OTOGL: variants seen among roughly 807,000 people sequenced by gnomAD.
OTOGL encodes otogelin like.
Under a neutral mutation model 318.5 loss-of-function variants are expected in OTOGL, and 285 were observed. The observed-to-expected ratio is 0.89, with a 90% confidence interval of 0.81 to 0.99. The LOEUF (loss-of-function observed/expected upper bound fraction) is 0.99. Ranked by LOEUF, OTOGL falls within the 50% of genes least tolerant of loss-of-function variation. The pLI is 0.00. For missense variants in OTOGL, 2,899 were observed against 2,845.6 expected (o/e 1.02, Z -0.43); for synonymous variants, 987 against 936.5 (o/e 1.05, Z -0.99).
intron 1 of OTOGL, among the ~76,000 whole-genome samples, chr12:80,171,065 T>A (rs116578275): frequency 0.015 from 2,278 of 152,166 alleles, 55 homozygotes; most frequent in African/African-American, 0.052. Context: ...AAACTGTGAG[T>A]CATAGGTTAG....
intron 26 of OTOGL, among the ~76,000 whole-genome samples, chr12:80,289,608 C>G (rs1283630347): frequency 1.3e-5 from 2 of 152,202 alleles, no homozygotes; most frequent in Non-Finnish European, 2.9e-5. Context: ...GAGGAGGAAT[C>G]CAGAGAGGTA....
chr12:80,237,094 C>T (rs566957279), intron 9 of OTOGL, among the ~76,000 whole-genome samples: 4 of 151,938 alleles, frequency 2.6e-5, no homozygotes, highest in Admixed American at 6.6e-5. Context: ...GGATTACAGG[C>T]GTGAGTCACC....
intron 1 of OTOGL, among the ~76,000 whole-genome samples, chr12:80,153,448 A>G (rs1359588298): frequency 6.6e-6 from 1 of 152,178 alleles, no homozygotes; most frequent in South Asian, 2.1e-4. Context: ...GACACATTTA[A>G]TCTATACCTT....
At chr12:80,337,863 ACT>A (rs1303514244) in intron 42 of OTOGL, among the ~76,000 whole-genome samples, 2 of 152,112 alleles carry the variant, frequency 1.3e-5, no homozygotes, top group Non-Finnish European at 2.9e-5. Context: ...TAAAAGAGGT[ACT>A]TTTTTTGAAT....
At chr12:80,323,097 TACACACACACACACACACACAC>T (rs200949284) in intron 34 of OTOGL, among the ~76,000 whole-genome samples, 9 of 127,154 alleles carry the variant, frequency 7.1e-5, no homozygotes, top group South Asian at 2.8e-4. Context: ...GAAAACCCAC[TACACACACACACACACACACAC>T]ACACACACAC....
chr12:80,229,145 T>C, intron 7 of OTOGL, 112 bp from the exon 8 acceptor site: 1 of 1,233,368 alleles, frequency 8.1e-7, no homozygotes, highest in Non-Finnish European at 1.1e-6. Context: ...TATAACGTTG[T>C]AAAGTGTCAT....
At chr12:80,302,301 T>C (rs1454804515) in intron 27 of OTOGL, among the ~76,000 whole-genome samples, 1 of 152,232 alleles carries the variant, frequency 6.6e-6, no homozygotes, top group East Asian at 1.9e-4. Flanking sequence ...TCATCACAGA[T>C]GTAAAATTTC....
intron 29 of OTOGL, among the ~76,000 whole-genome samples, chr12:80,307,382 G>A (rs527756190): frequency 1.2e-4 from 18 of 151,330 alleles, no homozygotes; most frequent in Admixed American, 9.8e-4. Flanking sequence ...CAGTAGGCGC[G>A]GCCGGGCAGA....
intron 20 of OTOGL, 67 bp downstream of exon 20, chr12:80,265,277 T>A (rs1882866360): frequency 2.1e-6 from 3 of 1,407,176 alleles, no homozygotes; most frequent in Non-Finnish European, 2.9e-6. Flanking sequence ...TTGTAATGAC[T>A]GCTTTTATTT....
At chr12:80,287,726 T>C (rs1884740982) in intron 26 of OTOGL, among the ~76,000 whole-genome samples, 1 of 151,906 alleles carries the variant, frequency 6.6e-6, no homozygotes. Context: ...AACTTCTGCT[T>C]TTTTTTTGCT....
At chr12:80,187,737 GA>G (rs1180143852) in intron 1 of OTOGL, among the ~76,000 whole-genome samples, 1 of 152,184 alleles carries the variant, frequency 6.6e-6, no homozygotes, top group African/African-American at 2.4e-5. Flanking sequence ...TTCCAAAACT[GA>G]AACTCAGTGG....
chr12:80,342,211 G>C, intron 44 of OTOGL, 49 bp downstream of exon 44: 1 of 1,404,178 alleles, frequency 7.1e-7, no homozygotes, highest in Non-Finnish European at 9.8e-7. Context: ...GATATGTTGA[G>C]AGTAAAAGCC....
chr12:80,176,620 C>G (rs1874547766), intron 1 of OTOGL, among the ~76,000 whole-genome samples: 1 of 151,964 alleles, frequency 6.6e-6, no homozygotes, highest in African/African-American at 2.4e-5. Context: ...TATGGATATA[C>G]TTCAATTTGT....
intron 1 of OTOGL, among the ~76,000 whole-genome samples, chr12:80,151,618 G>C (rs905888921): frequency 6.6e-6 from 1 of 152,194 alleles, no homozygotes. Flanking sequence ...TAGTATTGCT[G>C]TTTTGGAGCA....
intron 1 of OTOGL, among the ~76,000 whole-genome samples, chr12:80,111,422 G>T (rs533576781): frequency 6.6e-6 from 1 of 152,152 alleles, no homozygotes; most frequent in Admixed American, 6.5e-5. Flanking sequence ...GTTGATTTTT[G>T]TATAAGGTGT....
chr12:80,140,322 T>C (rs1365629903), intron 1 of OTOGL, among the ~76,000 whole-genome samples: 1 of 152,198 alleles, frequency 6.6e-6, no homozygotes, highest in East Asian at 1.9e-4. Context: ...GGTAAATTAT[T>C]GGCTTCTTTG....
At chr12:80,102,711 T>C (rs1374963690) in intron 1 of OTOGL, among the ~76,000 whole-genome samples, 1 of 152,190 alleles carries the variant, frequency 6.6e-6, no homozygotes, top group Non-Finnish European at 1.5e-5. Flanking sequence ...GTGTTCTTCC[T>C]TAGCTTTTAA....
chr12:80,172,049 A>G (rs1474775687), intron 1 of OTOGL, among the ~76,000 whole-genome samples: 1 of 152,038 alleles, frequency 6.6e-6, no homozygotes, highest in African/African-American at 2.4e-5. Context: ...ATTTTGATAT[A>G]TTTTATTTTT....
chr12:80,243,852 CAT>C (rs771780739), intron 11 of OTOGL, among the ~76,000 whole-genome samples: 6,693 of 142,666 alleles, frequency 0.047, 545 homozygotes, highest in African/African-American at 0.16. Context: ...ATCATATATA[CAT>C]ATATATATAT....
Sources: allele counts gnomAD v4.1 joint callset (sites outside exome capture counted in the v4.1 genomes callset), GRCh38; gene constraint gnomAD v4.1.1; transcripts MANE v1.5; gene names NCBI Gene and HGNC (gene_info 2026-07-23, HGNC 2026-07-21).